Variants in ZNF600 observed in about 807,000 individuals in gnomAD.
ZNF600 encodes zinc finger protein 600, also known as zinc finger protein KR-ZNF1.
ZNF600 carries 4 observed loss-of-function variants against 7.3 expected under a neutral mutation model. The ratio of observed to expected loss-of-function variants is 0.55; its 90% CI spans 0.27 to 1.25. The LOEUF (loss-of-function observed/expected upper bound fraction) is 1.25. Ranked by LOEUF, ZNF600 falls within the 50% of genes most tolerant of loss-of-function variation. ZNF600 has a pLI of 0.12. For missense variants in ZNF600, 911 were observed against 922.1 expected (o/e 0.99, Z 0.16); for synonymous variants, 290 against 308.9 (o/e 0.94, Z 0.64).
At chr19:52,791,035 C>T (rs2062789731), upstream of ZNF600, among the ~76,000 whole-genome samples, 1 of 152,200 alleles carries the variant, frequency 6.6e-6, no homozygotes, top group African/African-American at 2.4e-5. Context: ...TGTTGATCTA[C>T]TAGTGTGACT....
the ZNF600 span, among the ~76,000 whole-genome samples, chr19:52,796,565 C>G: frequency 6.6e-6 from 1 of 152,186 alleles, no homozygotes; most frequent in Non-Finnish European, 1.5e-5. Context: ...CTCCCAGGCT[C>G]AAGCCATCCT....
At chr19:52,770,757 T>C (rs112798250) in intron 3 of ZNF600, among the ~76,000 whole-genome samples, 6 of 152,274 alleles carry the variant, frequency 3.9e-5, no homozygotes, top group African/African-American at 1.2e-4. Context: ...GTTCCTGCAG[T>C]TGGGGTCTTT....
chr19:52,810,057 C>T, the ZNF600 span: 1 of 743,040 alleles, frequency 1.3e-6, no homozygotes. Context: ...CGCCCCATGC[C>T]TGGGAGCTCC....
At chr19:52,790,044 T>A (rs2062787373), upstream of ZNF600, among the ~76,000 whole-genome samples, 1 of 152,158 alleles carries the variant, frequency 6.6e-6, no homozygotes, top group Admixed American at 6.5e-5. Flanking sequence ...CAAGGTAATG[T>A]CATCACTTAA....
At chr19:52,788,582 T>C (rs2062783603), upstream of ZNF600, among the ~76,000 whole-genome samples, 1 of 152,134 alleles carries the variant, frequency 6.6e-6, no homozygotes, top group African/African-American at 2.4e-5. Context: ...CAGGAAGACC[T>C]ACAAGGGCAA....
chr19:52,776,066 T>G (rs1852838335), intron 2 of ZNF600, among the ~76,000 whole-genome samples: 2 of 116,986 alleles, frequency 1.7e-5, no homozygotes. Flanking sequence ...TGACTAACAT[T>G]TTTGAATGCT....
chr19:52,808,531 G>A, the ZNF600 span, among the ~76,000 whole-genome samples: 1 of 151,978 alleles, frequency 6.6e-6, no homozygotes, highest in Non-Finnish European at 1.5e-5. Flanking sequence ...CAGCTACGCA[G>A]GAGGCTGAGG....
chr19:52,773,023 T>G (rs59351867), intron 3 of ZNF600, among the ~76,000 whole-genome samples: 16,237 of 134,318 alleles, frequency 0.12, 2,417 homozygotes, highest in African/African-American at 0.4. Flanking sequence ...ACTTACTCAG[T>G]GAGAGTAGTG....
chr19:52,830,821 G>A, the ZNF600 span, among the ~76,000 whole-genome samples: 11 of 147,658 alleles, frequency 7.4e-5, no homozygotes, highest in African/African-American at 2.6e-4. Context: ...AAGGGCAAGG[G>A]TGGAGAGCAG....
the ZNF600 span, chr19:52,808,127 A>G: frequency 2.5e-6 from 4 of 1,613,126 alleles, no homozygotes; most frequent in South Asian, 3.3e-5. Context: ...CTGAATGTCA[A>G]TAGACCCTGA....
At chr19:52,793,143 G>C in the ZNF600 span, among the ~76,000 whole-genome samples, 1 of 152,044 alleles carries the variant, frequency 6.6e-6, no homozygotes, top group Non-Finnish European at 1.5e-5. Context: ...CGCCTTGATG[G>C]TTTGCTATAC....
the ZNF600 span, among the ~76,000 whole-genome samples, chr19:52,812,312 G>A: frequency 7.1e-6 from 1 of 141,808 alleles, no homozygotes; most frequent in Admixed American, 6.9e-5. Context: ...TGGCGGTTTT[G>A]TGGAATAGAA....
At chr19:52,811,127 C>T in the ZNF600 span, among the ~76,000 whole-genome samples, 35 of 150,638 alleles carry the variant, frequency 2.3e-4, no homozygotes, top group Non-Finnish European at 3.4e-4. Context: ...CTCCTAACCA[C>T]GAGTGATCCG....
chr19:52,794,008 G>C, the ZNF600 span, among the ~76,000 whole-genome samples: 8 of 152,152 alleles, frequency 5.3e-5, no homozygotes, highest in African/African-American at 1.9e-4. Context: ...GAATGTGTTT[G>C]GGGGTTTAGG....
At chr19:52,809,951 C>G in the ZNF600 span, 2 of 824,290 alleles carry the variant, frequency 2.4e-6, no homozygotes, top group South Asian at 1.4e-5. Flanking sequence ...CCCCGGGGGG[C>G]GCAGGGGACG....
chr19:52,809,833 G>GCGGCGC, the ZNF600 span: 2 of 557,974 alleles, frequency 3.6e-6, no homozygotes, highest in Non-Finnish European at 3.1e-6. Flanking sequence ...GGCGGCGGCG[G>GCGGCGC]CGGCGGTGGC....
the ZNF600 span, among the ~76,000 whole-genome samples, chr19:52,812,158 C>G: frequency 1.6e-5 from 2 of 126,342 alleles, no homozygotes; most frequent in Admixed American, 7.6e-5. Flanking sequence ...GTCAGCCCCC[C>G]GCCCGGCCAG....
chr19:52,807,842 C>G, the ZNF600 span: 3 of 1,168,266 alleles, frequency 2.6e-6, no homozygotes, highest in Non-Finnish European at 3.6e-6. Flanking sequence ...AATGCAGAAC[C>G]TCTAAACAAA....
At chr19:52,786,817 G>A (rs1321807624), upstream of ZNF600, 3 of 329,604 alleles carry the variant, frequency 9.1e-6, no homozygotes, top group African/African-American at 4.2e-5. Flanking sequence ...CAGGTTGGCT[G>A]GACCTGGGCG....
Sources: gnomAD v4.1 joint callset for allele counts (sites outside exome capture counted in the v4.1 genomes callset) on GRCh38, gnomAD v4.1.1 for gene constraint, MANE v1.5 for transcripts, NCBI Gene and HGNC (gene_info 2026-07-23, HGNC 2026-07-21) for gene names.